Variants in ADAMTS2 observed in about 807,000 individuals in gnomAD.
The protein encoded by ADAMTS2 is A disintegrin and metalloproteinase with thrombospondin motifs 2.
ADAMTS2 carries 50 observed loss-of-function variants against 123.0 expected under a neutral mutation model. The observed-to-expected ratio is 0.41, with a 90% CI of 0.32 to 0.51. The LOEUF (loss-of-function observed/expected upper bound fraction) is 0.51. Among genes scored for constraint, ADAMTS2 ranks in the 20% least tolerant of loss-of-function variants. ADAMTS2 has a pLI of 0.35. For missense variants in ADAMTS2, 1,494 were observed against 1,705.2 expected (o/e 0.88, Z 2.18); for synonymous variants, 678 against 695.4 (o/e 0.98, Z 0.39).
chr5:179,174,888 T>C (rs1407551585), intron 5 of ADAMTS2, among the ~76,000 whole-genome samples: 1 of 69,564 alleles, frequency 1.4e-5, no homozygotes, highest in Non-Finnish European at 2.9e-5. Context: ...TTGCTTGGGT[T>C]CCGCAGCTGT....
intron 5 of ADAMTS2, among the ~76,000 whole-genome samples, chr5:179,169,350 G>A (rs1763771369): frequency 6.6e-6 from 1 of 152,208 alleles, no homozygotes; most frequent in Admixed American, 6.5e-5. Flanking sequence ...CCAGAACAGT[G>A]AGTAACACAA....
At chr5:179,321,351 A>G (rs1157821526) in intron 2 of ADAMTS2, among the ~76,000 whole-genome samples, 2 of 152,208 alleles carry the variant, frequency 1.3e-5, no homozygotes, top group African/African-American at 4.8e-5. Context: ...TGCCATGCGC[A>G]CCAGCTTCCC....
intron 5 of ADAMTS2, 145 bp from the exon 6 acceptor site, chr5:179,159,024 A>T: frequency 2.8e-6 from 3 of 1,063,880 alleles, no homozygotes; most frequent in East Asian, 2.6e-5. Context: ...CACTCTCAGG[A>T]CCTGCTCCCA....
intron 3 of ADAMTS2, among the ~76,000 whole-genome samples, chr5:179,216,660 T>C (rs572750034): frequency 6.6e-6 from 1 of 152,356 alleles, no homozygotes; most frequent in East Asian, 1.9e-4. Context: ...TGGAGACTGA[T>C]CTGCTCACCT....
chr5:179,140,071 C>T lies in ADAMTS2; in HGVS notation c.1630-36G>A, dbSNP rs2113223557. 3.7e-6 allele frequency: 6 copies of T among 1,613,292 alleles called. No homozygotes were observed. In the East Asian group the frequency reaches 8.9e-5, roughly 24 times the overall value. On this transcript the variant is annotated intron_variant, in intron 10 of 21. Transcript: ENST00000251582. ...GGAAGCCAGTCCCTCCACTCACCCTCACACCGGGCCGTGGGGACAGTCCTG... is the reference window on the plus strand; with the variant it reads ...GGAAGCCAGTCCCTCCACTCACCCTTACACCGGGCCGTGGGGACAGTCCTG...
In ADAMTS2 at chr5:179,152,080, G is replaced by A. The variant is rs1015360295; in HGVS notation, c.1629+62C>T. The A allele has an allele frequency of 2.4e-5, 36 of 1,480,110 alleles. No individual in the cohort carries two copies. In the East Asian group the frequency reaches 5.2e-4, roughly 22 times the overall value. The allele number at this position is 1,480,110 out of a possible 1,614,324, so 91.7% of individuals were successfully genotyped here. A position where few individuals can be genotyped will look rare whatever the true frequency, so the allele number is the denominator to read the frequency against. ...CTTCAGGGCCTGTCCCTGGTGACCC[G>A]GGCACCTAAGATTCCTGTCCTCTGC... On this transcript the variant is annotated intron_variant, in intron 10 of 21. Transcript: ENST00000251582.
At chr5:179,306,732 G>T (rs115965106) in intron 2 of ADAMTS2, among the ~76,000 whole-genome samples, 1 of 152,152 alleles carries the variant, frequency 6.6e-6, no homozygotes, top group Non-Finnish European at 1.5e-5. Context: ...GGAAGCGGGG[G>T]CCCTCCTGCT....
intron 2 of ADAMTS2, among the ~76,000 whole-genome samples, chr5:179,301,586 G>T (rs369842504): frequency 6.6e-6 from 1 of 152,228 alleles, no homozygotes; most frequent in East Asian, 1.9e-4. Context: ...GCCCTGTGGC[G>T]CCCAGATGCC....
rs548797937 is a variant in ADAMTS2, at chr5:179,289,998, G to A, written c.535-16934C>T. Among the ~76,000 whole-genome samples the A allele has an allele frequency of 3.9e-5, 6 of 152,348 alleles. No homozygotes were observed. In the East Asian group the frequency reaches 1.2e-3, roughly 29 times the overall value. The stretch of plus-strand genomic sequence containing the variant: ...CACGTGGGATCCTGAGGGGGAGCCT[G>A]AACCAGACAACCGACATGAGTCGGA... On this transcript the variant is annotated intron_variant, in intron 2 of 21. Coordinates refer to ENST00000251582, the MANE Select transcript of ADAMTS2 (RefSeq NM_014244.5).
intron 2 of ADAMTS2, among the ~76,000 whole-genome samples, chr5:179,318,753 C>T (rs950525949): frequency 6.6e-6 from 1 of 151,976 alleles, no homozygotes; most frequent in African/African-American, 2.4e-5. Context: ...CAGGATGACT[C>T]CCCTGGGGGA....
chr5:179,316,564 G>T (rs534746731), intron 2 of ADAMTS2, among the ~76,000 whole-genome samples: 12 of 152,332 alleles, frequency 7.9e-5, no homozygotes, highest in Non-Finnish European at 5.9e-5. Context: ...CCAGGAACCT[G>T]TGAGCTCCAA....
In ADAMTS2 at chr5:179,130,197, A is replaced by C; in HGVS notation, c.2291-99T>G. On this transcript the variant is annotated intron_variant, in intron 15 of 21. Coordinates refer to ENST00000251582, the MANE Select transcript of ADAMTS2 (RefSeq NM_014244.5). The surrounding 1 kb of genome is among the most constrained non-coding windows in gnomAD (Gnocchi z 4.3). The stretch of plus-strand genomic sequence containing the variant: ...TCGGGGAGTGGGGGCAGCTAGCTGG[A>C]CCCCTTGTCTCTCTGGCTGCCCCCG... 3.5e-6 allele frequency: 5 copies of C among 1,446,116 alleles called. No individual in the cohort carries two copies. Among genetic ancestry groups the C allele is most frequent in the Non-Finnish European group, 4.8e-6 (5 of 1,040,422 alleles). 89.6% of individuals were successfully genotyped at this position (1,446,116 alleles called of 1,614,324 possible).
chr5:179,278,223 C>T (rs997591829), intron 2 of ADAMTS2, among the ~76,000 whole-genome samples: 2 of 148,266 alleles, frequency 1.3e-5, no homozygotes, highest in South Asian at 2.2e-4. Context: ...CTGCCAAGAC[C>T]GCTGGCCAGA....
At chr5:179,238,073 G>A (rs1765570764) in intron 3 of ADAMTS2, among the ~76,000 whole-genome samples, 1 of 152,212 alleles carries the variant, frequency 6.6e-6, no homozygotes, top group Admixed American at 6.5e-5. Context: ...AGACTTTGGG[G>A]AGGCTGTGCA....
chr5:179,196,444 C>T (rs948575873), intron 4 of ADAMTS2, among the ~76,000 whole-genome samples: 4 of 152,212 alleles, frequency 2.6e-5, no homozygotes, highest in Non-Finnish European at 5.9e-5. Context: ...AAGCAGTTAA[C>T]ACAGCTGGGA....
Position 179,273,025 on chromosome 5 carries a change from C to T in ADAMTS2, c.574G>A (p.Glu192Lys), listed in dbSNP as rs771509811. ...GCCGCCAGCCCCTTCTCCAAGGGTT[C>T]GATGAAGAACTCCTCCTCCTCCATC... is the stretch of plus-strand genomic sequence containing the variant. ...IRMEEEEFFI[E>K]PLEKGLAAQE... The change falls in exon 3 of 22, where the codon GAA (glutamate) becomes AAA (lysine). Residue 192 changes from glutamate to lysine, a missense_variant. By Grantham distance (56) the Glu-to-Lys change is moderately conservative (BLOSUM62 1). Around this residue, in one of 6 missense-constraint regions of ADAMTS2, gnomAD observed 184 missense variants for 152.1 expected, o/e 1.21. Coordinates refer to ENST00000251582, the MANE Select transcript of ADAMTS2 (RefSeq NM_014244.5). 9 of 1,613,518 alleles carry T rather than the reference C, an allele frequency of 5.6e-6. No homozygotes were observed. The highest frequency in any genetic ancestry group is 1.6e-4 in the Middle Eastern group (1 of 6,062).
Position 179,157,530 on chromosome 5 carries a change from TC to T in ADAMTS2, c.1132+1192del, listed in dbSNP as rs1432955164. On this transcript the variant is annotated intron_variant, in intron 6 of 21. Coordinates refer to ENST00000251582, the MANE Select transcript of ADAMTS2 (RefSeq NM_014244.5). ...TTTTTAAATTTTCCTTTTTTTTTTTTCTTGTAAGACAAGGCCTCGCTCTGTC... is the reference window on the plus strand; with the variant it reads ...TTTTTAAATTTTCCTTTTTTTTTTTTTTGTAAGACAAGGCCTCGCTCTGTC... Among the ~76,000 whole-genome samples, 1,123 of 150,000 alleles carry T rather than the reference TC, an allele frequency of 7.5e-3. 24 individuals are homozygous for T. Among genetic ancestry groups the T allele is most frequent in the African/African-American group, 0.025 (1,030 of 40,732 alleles).
rs1561763135 is a variant in ADAMTS2 at position 179,334,828 on chromosome 5, A to C, written c.534+8939T>G. Among the ~76,000 whole-genome samples the C allele has an allele frequency of 3.9e-5, 6 of 152,262 alleles. 1 individual carries two copies. The highest frequency in any genetic ancestry group is 2.6e-4 in the Admixed American group (4 of 15,282). On this transcript the variant is annotated intron_variant, in intron 2 of 21. Transcript: ENST00000251582. The stretch of plus-strand genomic sequence containing the variant: ...GAAAGTATTCAATGAGCAATGGCAA[A>C]AAGAAAAAAAATCCTTGAAATAATC...
At position 179,125,984 on chromosome 5, in the gene ADAMTS2, CT is replaced by C. The variant is rs1762848836; in HGVS notation, c.2750+13del. 1.9e-6 allele frequency: 3 copies of C among 1,613,318 alleles called. No individual in the cohort carries two copies. The highest frequency in any genetic ancestry group is 2.5e-6 in the Non-Finnish European group (3 of 1,180,004). ...CTGTCTCCTCTAGTGGGAGCCCGAG[CT>C]GGGGGCACTCACACTGGCTGGGAGC... is the stretch of plus-strand genomic sequence containing the variant. On this transcript the variant is annotated intron_variant, in intron 18 of 21. Transcript: ENST00000251582.
Sources: allele counts gnomAD v4.1 joint callset (sites outside exome capture counted in the v4.1 genomes callset), GRCh38; gene constraint gnomAD v4.1.1; regional missense constraint gnomAD v4.1.1; non-coding constraint Gnocchi (gnomAD v3.1); transcripts MANE v1.5; gene names NCBI Gene and HGNC (gene_info 2026-07-23, HGNC 2026-07-21).